NCKAP5: variants seen among roughly 807,000 people sequenced by gnomAD.
NCKAP5 encodes NCK associated protein 5, also known as nck-associated protein 5.
A neutral mutation model predicts 167.0 loss-of-function variants in NCKAP5; 92 were observed. The ratio of observed to expected loss-of-function variants is 0.55; its 90% CI spans 0.47 to 0.66. The LOEUF is 0.66. Among genes scored for constraint, NCKAP5 ranks in the 30% least tolerant of loss-of-function variants. The pLI, the probability that NCKAP5 is intolerant of heterozygous loss-of-function variation, is 0.00. For synonymous variants in NCKAP5, 891 were observed against 877.4 expected (o/e 1.02, Z -0.27); for missense variants, 2,378 against 2,315.0 (o/e 1.03, Z -0.56).
At chr2:133,654,376 T>TTAAATAAA in the NCKAP5 span, among the ~76,000 whole-genome samples, 476 of 98,138 alleles carry the variant, frequency 4.9e-3, 3 homozygotes, top group Admixed American at 9.1e-3. Context: ...AGACTCTATC[T>TTAAATAAA]CAAATAAATA....
At position 133,568,316 on chromosome 2, in the gene NCKAP5, C is replaced by G. The variant is rs1369300706; in HGVS notation, c.-230G>C. The G allele has an allele frequency of 6.6e-6, 1 of 152,204 alleles. No individual in the cohort carries two copies. The highest frequency in any genetic ancestry group is 1.5e-5 in the Non-Finnish European group (1 of 68,044). 9.4% of individuals were successfully genotyped at this position (152,204 alleles called of 1,614,324 possible). A position where few individuals can be genotyped will look rare whatever the true frequency, so the allele number is the denominator to read the frequency against. On this transcript the variant is annotated 5_prime_UTR_variant, in exon 1 of 20. Transcript: ENST00000409261. ...AAATTTCCTCCCGCGGTTGGTTATC[C>G]TCTGTTTATTTTTGAAGCATTCAAA... is the stretch of plus-strand genomic sequence containing the variant.
At chr2:133,347,578 A>C (rs991020058) in intron 3 of NCKAP5, among the ~76,000 whole-genome samples, 6 of 149,276 alleles carry the variant, frequency 4.0e-5, no homozygotes, top group Non-Finnish European at 7.4e-5. Context: ...AATTAAAATA[A>C]TTAATATAAT....
intron 4 of NCKAP5, among the ~76,000 whole-genome samples, chr2:133,222,334 T>C (rs2086692433): frequency 6.9e-6 from 1 of 145,700 alleles, no homozygotes; most frequent in Non-Finnish European, 1.5e-5. Flanking sequence ...TTTTCAAAAA[T>C]ATAATAAAAC....
chr2:133,172,057 A>G (rs1421070742), intron 5 of NCKAP5, among the ~76,000 whole-genome samples: 2 of 152,232 alleles, frequency 1.3e-5, no homozygotes, highest in Non-Finnish European at 2.9e-5. Context: ...GACTCTGGAC[A>G]CTTTGAAAAC....
chr2:133,007,096 C>T (rs1302836055), intron 6 of NCKAP5, among the ~76,000 whole-genome samples: 2 of 152,182 alleles, frequency 1.3e-5, no homozygotes, highest in Admixed American at 1.3e-4. Flanking sequence ...ACCTCAGGCC[C>T]TGTGCTCCCT....
rs532697926 is a variant in NCKAP5 at position 132,711,631 on chromosome 2, T to C, written c.5713+13996A>G. On this transcript the variant is annotated intron_variant, in intron 19 of 19. Transcript: ENST00000409261. ...AGGAATTCTGAATTTCATGTTATTC[T>C]TCTGAGTATGAGTATAGTCTTTATC... Among the ~76,000 whole-genome samples, 11 of 152,348 alleles carry C rather than the reference T, an allele frequency of 7.2e-5. No homozygotes were observed. In the South Asian group the frequency reaches 2.3e-3, roughly 32 times the overall value.
rs535122483 is a variant in NCKAP5 at position 133,322,758 on chromosome 2, T to G, written c.70-19648A>C. Among the ~76,000 whole-genome samples, 5 of 152,288 alleles carry G rather than the reference T, an allele frequency of 3.3e-5. No homozygotes were observed. In the East Asian group the frequency reaches 9.6e-4, roughly 29 times the overall value. On this transcript the variant is annotated intron_variant, in intron 3 of 19. Transcript: ENST00000409261. ...AGTACTTTGGGTCTATTTCCTTATT[T>G]ATAAAATGAAGAGATGGGGCCAGAT...
At chr2:133,313,616 G>C (rs1165305882) in intron 3 of NCKAP5, among the ~76,000 whole-genome samples, 1 of 151,520 alleles carries the variant, frequency 6.6e-6, no homozygotes, top group Non-Finnish European at 1.5e-5. Context: ...AATTCATTTA[G>C]GTGGAAAAAA....
intron 3 of NCKAP5, among the ~76,000 whole-genome samples, chr2:133,329,710 C>T (rs1214270705): frequency 6.6e-6 from 1 of 152,084 alleles, no homozygotes; most frequent in Non-Finnish European, 1.5e-5. Context: ...ACATCCAATG[C>T]TAAGACAGAT....
At chr2:133,163,497 G>A (rs865865740) in intron 5 of NCKAP5, among the ~76,000 whole-genome samples, 6 of 152,292 alleles carry the variant, frequency 3.9e-5, no homozygotes, top group African/African-American at 1.2e-4. Context: ...CATCTACTTA[G>A]TACTGACTGT....
the NCKAP5 span, among the ~76,000 whole-genome samples, chr2:133,574,526 G>A: frequency 6.6e-6 from 1 of 151,708 alleles, no homozygotes; most frequent in Admixed American, 6.6e-5. Context: ...TAGTTAAAAC[G>A]ACAAAAATGG....
chr2:132,832,671 C>A (rs1233989861), intron 11 of NCKAP5, among the ~76,000 whole-genome samples: 1 of 152,164 alleles, frequency 6.6e-6, no homozygotes, highest in African/African-American at 2.4e-5. Flanking sequence ...CCTCCAGTTC[C>A]ATTCCTGTTG....
At chr2:133,550,251 G>A (rs2104947801) in intron 2 of NCKAP5, among the ~76,000 whole-genome samples, 1 of 143,780 alleles carries the variant, frequency 7.0e-6, no homozygotes, top group African/African-American at 2.6e-5. Flanking sequence ...ATTTTATGAG[G>A]CCAGCATCAT....
At chr2:133,372,766 T>C (rs1420735367) in intron 3 of NCKAP5, among the ~76,000 whole-genome samples, 1 of 152,218 alleles carries the variant, frequency 6.6e-6, no homozygotes, top group East Asian at 1.9e-4. Context: ...TGGTTACTTT[T>C]CCTTTCAAAT....
intron 3 of NCKAP5, among the ~76,000 whole-genome samples, chr2:133,474,111 G>GGT (rs1679605338): frequency 1.1e-5 from 1 of 91,302 alleles, no homozygotes; most frequent in African/African-American, 3.8e-5. Context: ...AAGAAAATGT[G>GGT]ATATCTATCT....
At chr2:133,571,972 T>C (rs554628244), upstream of NCKAP5, among the ~76,000 whole-genome samples, 24 of 134,452 alleles carry the variant, frequency 1.8e-4, no homozygotes, top group African/African-American at 6.9e-4. Context: ...TGAAACTCCA[T>C]CTCAAAAAAA....
chr2:132,914,395 T>A (rs951706376), intron 8 of NCKAP5, among the ~76,000 whole-genome samples: 3 of 151,282 alleles, frequency 2.0e-5, no homozygotes, highest in Non-Finnish European at 4.4e-5. Flanking sequence ...AGAAAAAAAA[T>A]AATGAAGTGT....
intron 6 of NCKAP5, among the ~76,000 whole-genome samples, chr2:133,016,254 A>G (rs934053769): frequency 2.0e-5 from 3 of 152,210 alleles, no homozygotes; most frequent in Non-Finnish European, 4.4e-5. Context: ...CCTACACACA[A>G]AAGAGCTTGG....
chr2:133,280,265 G>C (rs2089887097), intron 4 of NCKAP5, among the ~76,000 whole-genome samples: 1 of 152,164 alleles, frequency 6.6e-6, no homozygotes, highest in East Asian at 1.9e-4. Context: ...GCTTAGATTA[G>C]CATCCACATG....
Sources: allele counts gnomAD v4.1 joint callset (sites outside exome capture counted in the v4.1 genomes callset), GRCh38; gene constraint gnomAD v4.1.1; transcripts MANE v1.5; gene names NCBI Gene and HGNC (gene_info 2026-07-23, HGNC 2026-07-21).